Variants in GRM7 observed in about 807,000 individuals in gnomAD.
GRM7 encodes the protein metabotropic glutamate receptor 7.
GRM7 carries 35 observed loss-of-function variants against 84.5 expected under a neutral mutation model. That is an observed-to-expected ratio of 0.41 (90% CI 0.32 to 0.55). The LOEUF (loss-of-function observed/expected upper bound fraction) is 0.55. Among genes scored for constraint, GRM7 ranks in the 20% least tolerant of loss-of-function variants. The pLI is 0.19. For missense variants in GRM7, 1,003 were observed against 1,194.6 expected, an observed-to-expected ratio of 0.84 and a Z score of 2.36; for synonymous variants, 487 against 455.1, an observed-to-expected ratio of 1.07 and a Z score of -0.89.
At chr3:7,068,468 G>C (rs1185415474) in intron 1 of GRM7, among the ~76,000 whole-genome samples, 1 of 151,958 alleles carries the variant, frequency 6.6e-6, no homozygotes, top group African/African-American at 2.4e-5. Flanking sequence ...TTTTTCTACT[G>C]TCTGCAATAC....
At chr3:7,617,078 G>T (rs1432340919) in intron 8 of GRM7, among the ~76,000 whole-genome samples, 1 of 152,110 alleles carries the variant, frequency 6.6e-6, no homozygotes, top group Non-Finnish European at 1.5e-5. Context: ...TTGGTGTAAG[G>T]ATGGATAAAT....
At chr3:7,283,792 A>C in intron 2 of GRM7, among the ~76,000 whole-genome samples, 1 of 152,226 alleles carries the variant, frequency 6.6e-6, no homozygotes, top group East Asian at 1.9e-4. Context: ...AAAATTCACA[A>C]AGAAGAATTA....
chr3:7,014,416 C>T lies in GRM7; in HGVS notation c.520-132036C>T, dbSNP rs557054318. Among the ~76,000 whole-genome samples the T allele has an allele frequency of 3.9e-5, 6 of 152,234 alleles. No individual in the cohort carries two copies. In the South Asian group the frequency reaches 1.2e-3, roughly 32 times the overall value. ...AGTGCAGTGGTGCAATGTCAGCTCA[C>T]TGCAACCTCAGCCTCCAGAGTTCAA... On this transcript the variant is annotated intron_variant, in intron 1 of 9. Transcript: ENST00000357716.
In GRM7 at chr3:6,981,816, AG is replaced by A. The variant is rs536052847; in HGVS notation, c.519+119911del. 2.3e-3 allele frequency among the ~76,000 whole-genome samples: 351 copies of A among 152,306 alleles called. 4 individuals are homozygous for A. The highest frequency in any genetic ancestry group is 7.8e-3 in the African/African-American group (326 of 41,568). On this transcript the variant is annotated intron_variant, in intron 1 of 9. Transcript: ENST00000357716. ...AAACAACAGATGCTGTCGAGGCTGT[AG>A]GAAAAAAAATAAAAACACTTATACA...
At chr3:7,424,304 A>G (rs564125976) in intron 5 of GRM7, among the ~76,000 whole-genome samples, 1 of 152,094 alleles carries the variant, frequency 6.6e-6, no homozygotes, top group South Asian at 2.1e-4. Flanking sequence ...AACCAAAAAA[A>G]AAAGGAAAAA....
intron 5 of GRM7, among the ~76,000 whole-genome samples, chr3:7,427,410 G>T (rs1696655511): frequency 6.6e-6 from 1 of 152,138 alleles, no homozygotes; most frequent in African/African-American, 2.4e-5. Flanking sequence ...ATTGCATAAA[G>T]GGTTAAAACC....
chr3:7,001,346 T>C (rs377169838), intron 1 of GRM7, among the ~76,000 whole-genome samples: 1 of 152,058 alleles, frequency 6.6e-6, no homozygotes, highest in Non-Finnish European at 1.5e-5. Context: ...TGAGACCCTG[T>C]CTCCAAAACT....
intron 7 of GRM7, among the ~76,000 whole-genome samples, chr3:7,493,410 A>G (rs1477073611): frequency 6.6e-6 from 1 of 150,980 alleles, no homozygotes; most frequent in Non-Finnish European, 1.5e-5. Context: ...TTTTTTTCTC[A>G]TTATTGTAAC....
chr3:7,047,011 T>C (rs182285992), intron 1 of GRM7, among the ~76,000 whole-genome samples: 1 of 152,164 alleles, frequency 6.6e-6, no homozygotes, highest in East Asian at 1.9e-4. Flanking sequence ...ATTTGAGCCA[T>C]TGAGGCAGAT....
intron 7 of GRM7, among the ~76,000 whole-genome samples, chr3:7,572,819 C>G (rs1165189344): frequency 4.6e-5 from 2 of 43,858 alleles, no homozygotes; most frequent in Admixed American, 3.0e-4. Context: ...GAGACTCTAT[C>G]TCAAATATAT....
chr3:7,476,760 C>T (rs561298224), intron 7 of GRM7, among the ~76,000 whole-genome samples: 3 of 152,246 alleles, frequency 2.0e-5, no homozygotes, highest in Admixed American at 2.0e-4. Context: ...ACCTCTCTGC[C>T]CTTATTCTGC....
chr3:7,418,580 A>C (rs948946141), intron 5 of GRM7, among the ~76,000 whole-genome samples: 7 of 152,052 alleles, frequency 4.6e-5, no homozygotes, highest in African/African-American at 1.7e-4. Context: ...ATGTTCCCCT[A>C]CCCACAGCCC....
intron 2 of GRM7, among the ~76,000 whole-genome samples, chr3:7,156,264 G>A (rs1023774892): frequency 2.0e-5 from 3 of 152,100 alleles, no homozygotes; most frequent in African/African-American, 7.2e-5. Flanking sequence ...AGGAGAGGAT[G>A]GTCCTAGTAA....
intron 7 of GRM7, among the ~76,000 whole-genome samples, chr3:7,540,194 G>A (rs888997789): frequency 6.6e-6 from 1 of 152,102 alleles, no homozygotes; most frequent in African/African-American, 2.4e-5. Context: ...TGTTAAAAAT[G>A]GGATAACCAG....
intron 4 of GRM7, among the ~76,000 whole-genome samples, chr3:7,389,554 G>C (rs1694910314): frequency 6.6e-6 from 1 of 152,118 alleles, no homozygotes; most frequent in African/African-American, 2.4e-5. Flanking sequence ...AATGTTGGAT[G>C]TGTGTACATT....
At chr3:7,561,019 T>C (rs1694001158) in intron 7 of GRM7, among the ~76,000 whole-genome samples, 1 of 152,124 alleles carries the variant, frequency 6.6e-6, no homozygotes, top group African/African-American at 2.4e-5. Context: ...TGTTTTTCCA[T>C]AATCTGTTGC....
chr3:7,478,627 T>C (rs572868868), intron 7 of GRM7, among the ~76,000 whole-genome samples: 1 of 152,318 alleles, frequency 6.6e-6, no homozygotes, highest in African/African-American at 2.4e-5. Flanking sequence ...TCCTGTCTTA[T>C]TAACCCATAA....
intron 7 of GRM7, among the ~76,000 whole-genome samples, chr3:7,553,680 A>G (rs779726898): frequency 6.6e-6 from 1 of 152,188 alleles, no homozygotes; most frequent in African/African-American, 2.4e-5. Context: ...AGCCTCCTAT[A>G]AAACCATCAG....
chr3:6,874,244 A>G (rs535614573), intron 1 of GRM7, among the ~76,000 whole-genome samples: 6 of 152,320 alleles, frequency 3.9e-5, no homozygotes, highest in African/African-American at 9.6e-5. Context: ...GCTTATAATA[A>G]CTCATTATCA....
Sources: allele counts gnomAD v4.1 joint callset (sites outside exome capture counted in the v4.1 genomes callset), GRCh38; gene constraint gnomAD v4.1.1; transcripts MANE v1.5; gene names NCBI Gene and HGNC (gene_info 2026-07-23, HGNC 2026-07-21).